The following PTPRB variants were observed in gnomAD, a reference collection of about 807,000 sequenced individuals.
PTPRB encodes the protein receptor-type tyrosine-protein phosphatase beta.
PTPRB carries 97 observed loss-of-function variants against 238.1 expected under a neutral mutation model. The observed-to-expected ratio is 0.41, with a 90% CI of 0.35 to 0.48. PTPRB has a LOEUF of 0.48. Ranked by LOEUF, PTPRB falls within the 20% of genes least tolerant of loss-of-function variation. The probability of loss-of-function intolerance (pLI) is 0.30; values close to 1 mark genes in which losing one functional copy is unlikely to be tolerated. For synonymous variants in PTPRB, 970 were observed against 995.4 expected (o/e 0.97, Z 0.48); for missense variants, 2,292 against 2,681.9 (o/e 0.85, Z 3.21).
intron 8 of PTPRB, among the ~76,000 whole-genome samples, chr12:70,587,994 G>A (rs1281042588): frequency 1.3e-5 from 2 of 151,296 alleles, no homozygotes; most frequent in East Asian, 3.9e-4. Context: ...TCAGCGGGAG[G>A]CTGAGGCATG....
intron 31 of PTPRB, among the ~76,000 whole-genome samples, chr12:70,532,606 TTTCC>T (rs1173515706): frequency 1.3e-5 from 2 of 152,076 alleles, no homozygotes; most frequent in East Asian, 3.8e-4. Flanking sequence ...TCGTTTCTTC[TTTCC>T]TTCCTTCTTT....
At chr12:70,632,550 A>C (rs1420694226) in intron 2 of PTPRB, among the ~76,000 whole-genome samples, 1 of 152,058 alleles carries the variant, frequency 6.6e-6, no homozygotes, top group African/African-American at 2.4e-5. Context: ...CACATTGTGC[A>C]CATGCACCCT....
At position 70,596,274 on chromosome 12, in the gene PTPRB, TGG is replaced by T. The variant is rs759576403; in HGVS notation, c.1031_1032del (p.Thr344LysfsTer17). 4.3e-6 allele frequency: 7 copies of T among 1,610,448 alleles called. No individual in the cohort carries two copies. In the Admixed American group the frequency reaches 1.2e-4, roughly 27 times the overall value. On this transcript the variant is annotated frameshift_variant, in exon 5 of 34. Transcript: ENST00000334414. LOFTEE classifies it high-confidence loss of function. ...GAAGGAGTCCACCAAACATGCAAGC[TGG>T]TTGAAGTCGTCTTCTCTTTACTGAC... ...FGVSKEKTTS[T>X]SLHVWWTPSS...
intron 32 of PTPRB, among the ~76,000 whole-genome samples, chr12:70,531,608 G>T (rs559220957): frequency 1.3e-5 from 2 of 152,092 alleles, no homozygotes; most frequent in Non-Finnish European, 2.9e-5. Flanking sequence ...GTCTCGCTTG[G>T]TTATTGTGAA....
intron 22 of PTPRB, chr12:70,542,520 T>C (rs1017125456): frequency 1.6e-4 from 23 of 142,930 alleles, no homozygotes; most frequent in African/African-American, 6.0e-4. Context: ...GGAGGTTGCA[T>C]TGAGCCAAGG....
chr12:70,543,866 T>G (rs1875547820), intron 22 of PTPRB, among the ~76,000 whole-genome samples: 1 of 152,202 alleles, frequency 6.6e-6, no homozygotes, highest in African/African-American at 2.4e-5. Flanking sequence ...TGTCCTCATC[T>G]TTAAGATGGG....
chr12:70,581,062 C>T lies in PTPRB; in HGVS notation c.2552G>A (p.Arg851Gln), dbSNP rs199512411. Residue 851 changes from arginine (R) to glutamine (Q), a missense_variant, in exon 10 of 34, where the codon CGA becomes CAA. Physicochemically the swap from Arg to Gln is conservative, Grantham distance 43. This residue lies in a region of PTPRB where 1,205 missense variants were observed against 1,287.8 expected (regional missense o/e 0.94). Transcript: ENST00000334414. ...VTTVSGGISS[R>Q]QVVVEGRTVP... ...TGTTCTTCCCTCCACAACCACTTGT[C>T]GGGAAGAGATCCCTCCACTCACTGT... 340 of 1,613,902 alleles carry T rather than the reference C, an allele frequency of 2.1e-4. 1 individual carries two copies. Among genetic ancestry groups the T allele is most frequent in the Non-Finnish European group, 2.7e-4 (321 of 1,179,850 alleles).
In PTPRB at chr12:70,520,250, G is replaced by C. The variant is rs755195422; in HGVS notation, c.*1239C>G. 2.1e-6 allele frequency: 1 copy of C among 467,100 alleles called. No individual in the cohort carries two copies. The highest frequency in any genetic ancestry group is 2.3e-5 in the Admixed American group (1 of 43,508). The allele number at this position is 467,100 out of a possible 1,614,324, so 28.9% of individuals were successfully genotyped here. ...GAAGGAAATACTTTCTGACTCATTG[G>C]AATTTGTTATAGTCAAAGTAAGTAA... On this transcript the variant is annotated 3_prime_UTR_variant, in exon 34 of 34. Coordinates refer to ENST00000334414, the MANE Select transcript of PTPRB (RefSeq NM_001109754.4).
At chr12:70,555,012 C>T (rs1053214272) in intron 20 of PTPRB, 148 bp downstream of exon 20, 7 of 871,278 alleles carry the variant, frequency 8.0e-6, no homozygotes, top group Middle Eastern at 3.5e-4. Flanking sequence ...TCTTACATCT[C>T]CCTGTATCCA....
intron 3 of PTPRB, among the ~76,000 whole-genome samples, chr12:70,616,087 C>T (rs999853892): frequency 1.3e-5 from 2 of 151,920 alleles, no homozygotes; most frequent in African/African-American, 4.8e-5. Flanking sequence ...TTGTCAGTGT[C>T]TTAATCTTCT....
chr12:70,623,353 A>T (rs11611286), intron 2 of PTPRB, among the ~76,000 whole-genome samples: 20,131 of 152,242 alleles, frequency 0.13, 1,572 homozygotes, highest in Non-Finnish European at 0.18. Flanking sequence ...TATTAAAAAA[A>T]ACATACTGGT....
chr12:70,614,450 T>C (rs1884592606), intron 3 of PTPRB, among the ~76,000 whole-genome samples: 1 of 152,122 alleles, frequency 6.6e-6, no homozygotes, highest in African/African-American at 2.4e-5. Context: ...CTTTATAATA[T>C]ATAATATGCA....
intron 2 of PTPRB, among the ~76,000 whole-genome samples, chr12:70,631,065 T>C (rs1316057163): frequency 6.6e-6 from 1 of 152,110 alleles, no homozygotes; most frequent in Non-Finnish European, 1.5e-5. Context: ...CTTCACAGAA[T>C]TGGAAAAAAC....
At chr12:70,521,907 G>T in intron 33 of PTPRB, among the ~76,000 whole-genome samples, 1 of 152,276 alleles carries the variant, frequency 6.6e-6, no homozygotes, top group South Asian at 2.1e-4. Context: ...TCTAAAAAAA[G>T]ATTCTTAAGT....
chr12:70,533,040 CA>C (rs1174897224), intron 31 of PTPRB, among the ~76,000 whole-genome samples: 1 of 152,128 alleles, frequency 6.6e-6, no homozygotes, highest in Non-Finnish European at 1.5e-5. Context: ...ACATGTGTTG[CA>C]AAGAACATGA....
At chr12:70,604,602 G>A (rs538203698) in intron 4 of PTPRB, among the ~76,000 whole-genome samples, 26 of 152,324 alleles carry the variant, frequency 1.7e-4, no homozygotes, top group South Asian at 1.0e-3. Context: ...GATGGCTTAT[G>A]TTTAAAACTA....
At chr12:70,555,024 C>T in intron 20 of PTPRB, 136 bp downstream of exon 20, 1 of 974,642 alleles carries the variant, frequency 1.0e-6, no homozygotes, top group Non-Finnish European at 1.5e-6. Context: ...CTGTATCCAG[C>T]AGAGAGAGGG....
chr12:70,626,737 C>T (rs1885222366), intron 2 of PTPRB, among the ~76,000 whole-genome samples: 1 of 151,870 alleles, frequency 6.6e-6, no homozygotes, highest in African/African-American at 2.4e-5. Context: ...TGCTGGAACC[C>T]ATCCCCATGT....
intron 4 of PTPRB, among the ~76,000 whole-genome samples, chr12:70,596,797 T>C (rs1036761823): frequency 8.5e-5 from 13 of 152,226 alleles, no homozygotes; most frequent in African/African-American, 3.1e-4. Context: ...CTAGTATATG[T>C]AACTTTGGGT....
Sources: allele counts gnomAD v4.1 joint callset (sites outside exome capture counted in the v4.1 genomes callset), GRCh38; gene constraint gnomAD v4.1.1; regional missense constraint gnomAD v4.1.1; transcripts MANE v1.5; gene names NCBI Gene and HGNC (gene_info 2026-07-23, HGNC 2026-07-21).